CD1B: variants seen among roughly 807,000 people sequenced by gnomAD.
CD1B encodes the protein T-cell surface glycoprotein CD1b.
CD1B carries 43 observed loss-of-function variants against 39.8 expected under a neutral mutation model. That is an observed-to-expected ratio of 1.08 (90% CI 0.85 to 1.39). CD1B has a LOEUF of 1.39. Ranked by LOEUF, CD1B falls within the 40% of genes most tolerant of loss-of-function variation. CD1B has a pLI of 0.00. For synonymous variants in CD1B, 192 were observed against 152.5 expected, an observed-to-expected ratio of 1.26 and a Z score of -1.91; for missense variants, 495 against 403.8, an observed-to-expected ratio of 1.23 and a Z score of -1.94.
At chr1:158,316,299 T>C in the CD1B span, among the ~76,000 whole-genome samples, 1 of 152,052 alleles carries the variant, frequency 6.6e-6, no homozygotes, top group South Asian at 2.1e-4. Context: ...GCATGGAATG[T>C]TCTTCCATTT....
In CD1B at chr1:158,330,929, G is replaced by C; in HGVS notation, c.195C>G (p.Ala65=). ...IHGWDSDSGT[A]IFLKPWSKGN... The stretch of plus-strand genomic sequence containing the variant: ...CTTTAGACCAAGGCTTCAGGAATAT[G>C]GCAGTGCCTGAGTCGCTATCCCAGC... Residue 65 remains alanine, a synonymous_variant, in exon 2 of 6, where the codon GCC becomes GCG. Coordinates refer to ENST00000368168, the MANE Select transcript of CD1B (RefSeq NM_001764.3). 1 of 1,614,114 alleles carries C rather than the reference G, an allele frequency of 6.2e-7. No individual in the cohort carries two copies. Among genetic ancestry groups the C allele is most frequent in the Non-Finnish European group, 8.5e-7 (1 of 1,180,006 alleles).
chr1:158,300,581 G>A, the CD1B span, among the ~76,000 whole-genome samples: 12 of 152,096 alleles, frequency 7.9e-5, no homozygotes, highest in Non-Finnish European at 1.6e-4. Flanking sequence ...ACAATGGAAT[G>A]TTAAAGTCTC....
chr1:158,292,421 T>C, the CD1B span: 1 of 1,552,452 alleles, frequency 6.4e-7, no homozygotes, highest in Non-Finnish European at 8.7e-7. Flanking sequence ...CTGCCCCTTC[T>C]GTTCCCACCC....
the CD1B span, among the ~76,000 whole-genome samples, chr1:158,285,596 T>C: frequency 6.6e-6 from 1 of 152,226 alleles, no homozygotes; most frequent in Admixed American, 6.5e-5. Context: ...CAGAAAATAC[T>C]GTATAAACAG....
downstream of CD1B, among the ~76,000 whole-genome samples, chr1:158,323,534 T>A (rs557680679): frequency 6.6e-6 from 1 of 152,200 alleles, no homozygotes; most frequent in African/African-American, 2.4e-5. Context: ...ATTCCCTGGT[T>A]GTTCTTGATG....
downstream of CD1B, among the ~76,000 whole-genome samples, chr1:158,327,089 G>T (rs1416826963): frequency 6.6e-6 from 1 of 152,174 alleles, no homozygotes; most frequent in South Asian, 2.1e-4. Context: ...GAGCCACCAC[G>T]CTTGGCCCCT....
At chr1:158,308,435 T>C in the CD1B span, among the ~76,000 whole-genome samples, 1,814 of 152,146 alleles carry the variant, frequency 0.012, 41 homozygotes, top group African/African-American at 0.042. Context: ...CAATGCCATC[T>C]CCATCAAGTT....
At chr1:158,324,777 G>A (rs1305765000), downstream of CD1B, among the ~76,000 whole-genome samples, 2 of 151,986 alleles carry the variant, frequency 1.3e-5, no homozygotes, top group Non-Finnish European at 2.9e-5. Context: ...TTCTAGTGTA[G>A]GGCAAGAAGT....
rs1652525956 is a variant in CD1B, at chr1:158,329,978, T to C, written c.481A>G (p.Lys161Glu). 4 of 1,614,150 alleles carry C rather than the reference T, an allele frequency of 2.5e-6. No homozygotes were observed. The highest frequency in any genetic ancestry group is 2.5e-6 in the Non-Finnish European group (3 of 1,180,032). The change falls in exon 3 of 6, where the codon AAA becomes GAA. Residue 161 changes from lysine to glutamate, a missense_variant. Lys to Glu is a moderately conservative substitution (Grantham distance 56). Coordinates refer to ENST00000368168, the MANE Select transcript of CD1B (RefSeq NM_001764.3). ...TATTGTATGATTAGTGCACAGAATT[T>C]CTGTGCCCTGCTGCCACCTTCTGGG... ...PSPEGGSRAQ[K>E]FCALIIQYQG...
downstream of CD1B, among the ~76,000 whole-genome samples, chr1:158,325,857 T>C (rs562587532): frequency 8.5e-4 from 129 of 152,332 alleles, no homozygotes; most frequent in Non-Finnish European, 1.6e-3. Context: ...TGTGTAAGAG[T>C]TGAGACCTAT....
chr1:158,331,323 C>G, intron 1 of CD1B, 40 bp downstream of exon 1: 2 of 1,568,096 alleles, frequency 1.3e-6, no homozygotes, highest in South Asian at 1.1e-5. Context: ...AAAATCCAAA[C>G]CCCTGCACCA....
chr1:158,290,145 CT>C, the CD1B span: 4 of 1,610,194 alleles, frequency 2.5e-6, no homozygotes, highest in South Asian at 4.4e-5. Context: ...TCGCTGTCAG[CT>C]GCAAGGTTAC....
the CD1B span, among the ~76,000 whole-genome samples, chr1:158,289,320 T>C: frequency 1.3e-5 from 2 of 152,218 alleles, no homozygotes; most frequent in African/African-American, 4.8e-5. Flanking sequence ...AATTTTTTAG[T>C]GAATGACTAT....
At chr1:158,306,249 T>C in the CD1B span, among the ~76,000 whole-genome samples, 3 of 151,630 alleles carry the variant, frequency 2.0e-5, no homozygotes, top group East Asian at 5.8e-4. Flanking sequence ...AATAAGCAAA[T>C]GGAAAACAAA....
the CD1B span, among the ~76,000 whole-genome samples, chr1:158,287,283 GCACACA>G: frequency 1.3e-5 from 2 of 149,078 alleles, no homozygotes; most frequent in African/African-American, 4.9e-5. Context: ...CATGGTGGGT[GCACACA>G]CACACACACA....
chr1:158,331,406 A>T lies in CD1B; in HGVS notation c.18T>A (p.Phe6Leu). 1.2e-6 allele frequency: 2 copies of T among 1,614,068 alleles called. No homozygotes were observed. Among genetic ancestry groups the T allele is most frequent in the Non-Finnish European group, 1.7e-6 (2 of 1,179,936 alleles). MLLLP[F>L]QLLAVLFPGG... ...CAGGAAAGAGAACAGCTAACAGTTG[A>T]AATGGCAGCAGCAGCATTTCACTGG... is the stretch of plus-strand genomic sequence containing the variant. Residue 6 changes from phenylalanine to leucine, a missense_variant, in exon 1 of 6, where the codon TTT becomes TTA. Coordinates refer to ENST00000368168, the MANE Select transcript of CD1B (RefSeq NM_001764.3).
the CD1B span, among the ~76,000 whole-genome samples, chr1:158,306,151 C>A: frequency 4.6e-5 from 7 of 152,184 alleles, no homozygotes; most frequent in South Asian, 4.1e-4. Flanking sequence ...TGGATAGAGT[C>A]AAGACCCATC....
At chr1:158,320,555 G>A in the CD1B span, among the ~76,000 whole-genome samples, 13,469 of 152,072 alleles carry the variant, frequency 0.089, 1,184 homozygotes, top group African/African-American at 0.21. Flanking sequence ...TGCACCCACT[G>A]TCTGGCACTC....
chr1:158,328,336 T>G, intron 5 of CD1B, 79 bp from the exon 6 acceptor site: 1 of 1,226,526 alleles, frequency 8.2e-7, no homozygotes, highest in Middle Eastern at 1.9e-4. Flanking sequence ...TTATTCATGA[T>G]AGTTAAAAGT....
Sources: gnomAD v4.1 joint callset for allele counts (sites outside exome capture counted in the v4.1 genomes callset) on GRCh38, gnomAD v4.1.1 for gene constraint, MANE v1.5 for transcripts, NCBI Gene and HGNC (gene_info 2026-07-23, HGNC 2026-07-21) for gene names.